The following ENPP1 variants were observed in gnomAD, a reference collection of about 807,000 sequenced individuals.
The protein encoded by ENPP1 is ectonucleotide pyrophosphatase/phosphodiesterase family member 1.
ENPP1 carries 73 observed loss-of-function variants against 122.8 expected under a neutral mutation model. That is an observed-to-expected ratio of 0.59 (90% CI 0.49 to 0.72). ENPP1 has a LOEUF of 0.72. Among genes scored for constraint, ENPP1 ranks in the 30% least tolerant of loss-of-function variants. The pLI is 0.00. For missense variants in ENPP1, 978 were observed against 1,128.1 expected (o/e 0.87, Z 1.91); for synonymous variants, 367 against 391.6 (o/e 0.94, Z 0.74).
intron 6 of ENPP1, 51 bp from the exon 7 acceptor site, chr6:131,858,617 A>G (rs1397611463): frequency 8.3e-7 from 1 of 1,203,584 alleles, no homozygotes; most frequent in South Asian, 1.3e-5. Flanking sequence ...AAATGAGGTA[A>G]GCCAATTGTC....
rs771405037 is a variant in ENPP1, at chr6:131,850,046, G to A, written c.370G>A (p.Ala124Thr). The A allele has an allele frequency of 2.0e-5, 32 of 1,614,072 alleles. No individual in the cohort carries two copies. Among genetic ancestry groups the A allele is most frequent in the Non-Finnish European group, 2.7e-5 (32 of 1,179,976 alleles). ...ERTFGNCRCD[A>T]ACVELGNCCL... is the part of the protein sequence containing the mutation. ...AACATTTGGGAACTGTCGCTGTGAT[G>A]CTGCCTGTGTTGAGCTTGGAAACTG... Residue 124 changes from alanine to threonine, a missense_variant, in exon 3 of 25, where the codon GCT (alanine) becomes ACT (threonine). By Grantham distance (58) the Ala-to-Thr change is moderately conservative (BLOSUM62 0). Coordinates refer to ENST00000647893, the MANE Select transcript of ENPP1 (RefSeq NM_006208.3).
At chr6:131,828,133 G>A (rs1781568249) in intron 1 of ENPP1, 3 of 581,244 alleles carry the variant, frequency 5.2e-6, no homozygotes, top group Non-Finnish European at 1.0e-5. Flanking sequence ...AGTGGAGGTC[G>A]TTCTGGATTC....
intron 1 of ENPP1, among the ~76,000 whole-genome samples, chr6:131,809,578 TA>T (rs1327949146): frequency 6.6e-6 from 1 of 152,236 alleles, no homozygotes; most frequent in Non-Finnish European, 1.5e-5. Context: ...AGTCACCTTT[TA>T]AAAATTTTGT....
At chr6:131,817,705 C>G (rs566070064) in intron 1 of ENPP1, among the ~76,000 whole-genome samples, 1 of 151,298 alleles carries the variant, frequency 6.6e-6, no homozygotes, top group South Asian at 2.1e-4. Flanking sequence ...ATGTCTATCT[C>G]TCTCTCTCTC....
chr6:131,867,731 A>G lies in ENPP1; in HGVS notation c.1165-287A>G, dbSNP rs75755833. On this transcript the variant is annotated intron_variant, in intron 11 of 24. Coordinates refer to ENST00000647893, the MANE Select transcript of ENPP1 (RefSeq NM_006208.3). ...TCTGACCTCAGGAATAGATCAGCTA[A>G]TCTCATTCCCAAAACTTAAAATTGA... Among the ~76,000 whole-genome samples the G allele has an allele frequency of 0.013, 2,029 of 152,236 alleles. 49 individuals carry two copies. The highest frequency in any genetic ancestry group is 0.043 in the African/African-American group (1,791 of 41,542).
rs794726927 is a variant in ENPP1 at position 131,808,062 on chromosome 6, C to A, written c.27C>A (p.Gly9=). Residue 9 remains glycine, a synonymous_variant, in exon 1 of 25, where the codon GGC becomes GGA. Coordinates refer to ENST00000647893, the MANE Select transcript of ENPP1 (RefSeq NM_006208.3). ...TGGAGCGCGACGGCTGCGCGGGGGG[C>A]GGGAGCCGCGGCGGCGAGGGCGGGC... The part of the protein sequence containing the change: MERDGCAG[G]GSRGGEGGRA... The A allele has an allele frequency of 1.5e-5, 9 of 596,474 alleles. No individual in the cohort carries two copies. The highest frequency in any genetic ancestry group is 4.7e-5 in the African/African-American group (1 of 21,450). The allele number at this position is 596,474 out of a possible 1,614,324, so 36.9% of individuals were successfully genotyped here. A position where few individuals can be genotyped will look rare whatever the true frequency, so the allele number is the denominator to read the frequency against.
chr6:131,817,973 T>C (rs1247310811), intron 1 of ENPP1, among the ~76,000 whole-genome samples: 2 of 148,326 alleles, frequency 1.3e-5, no homozygotes, highest in Admixed American at 1.3e-4. Flanking sequence ...CAGGTGTGAT[T>C]TGAGAGTCTT....
At chr6:131,826,241 G>A (rs555837117) in intron 1 of ENPP1, 97 of 973,416 alleles carry the variant, frequency 1.0e-4, no homozygotes, top group Middle Eastern at 2.1e-4. Context: ...AGCCCATCTG[G>A]TAGCATCTCA....
At chr6:131,839,745 T>C (rs189283475) in intron 1 of ENPP1, among the ~76,000 whole-genome samples, 159 of 152,334 alleles carry the variant, frequency 1.0e-3, no homozygotes, top group African/African-American at 3.8e-3. Context: ...CTGTTCTTTA[T>C]ACCCAATAAT....
At chr6:131,870,135 C>T (rs1392580966) in intron 13 of ENPP1, among the ~76,000 whole-genome samples, 1 of 151,970 alleles carries the variant, frequency 6.6e-6, no homozygotes, top group African/African-American at 2.4e-5. Flanking sequence ...AGAGAGAAAT[C>T]CAACTACATT....
chr6:131,854,815 G>T, intron 5 of ENPP1, 111 bp from the exon 6 acceptor site: 1 of 775,288 alleles, frequency 1.3e-6, no homozygotes, highest in South Asian at 1.4e-5. Flanking sequence ...AGATCACACA[G>T]ACCTTAGTGG....
At chr6:131,824,953 G>A (rs1308931649) in intron 1 of ENPP1, among the ~76,000 whole-genome samples, 1 of 151,978 alleles carries the variant, frequency 6.6e-6, no homozygotes, top group Non-Finnish European at 1.5e-5. Flanking sequence ...CCAGCTACTC[G>A]GGAGGCTGAG....
chr6:131,866,823 G>A (rs1028718352), intron 11 of ENPP1, among the ~76,000 whole-genome samples: 3 of 152,288 alleles, frequency 2.0e-5, no homozygotes, highest in Admixed American at 2.0e-4. Flanking sequence ...AAAGTTTCTT[G>A]TAGCTGTTGT....
chr6:131,874,387 T>C (rs993247360), intron 16 of ENPP1, 50 bp downstream of exon 16: 2 of 1,049,000 alleles, frequency 1.9e-6, no homozygotes, highest in Non-Finnish European at 3.0e-6. Flanking sequence ...GAAAAAATGA[T>C]ATGCAAAGTT....
intron 1 of ENPP1, among the ~76,000 whole-genome samples, chr6:131,845,451 G>GTTT (rs34638422): frequency 1.7e-4 from 22 of 133,068 alleles, no homozygotes; most frequent in African/African-American, 4.4e-4. Flanking sequence ...GTTTTGGCTT[G>GTTT]TTTTTTTTTT....
chr6:131,892,198 A>AT lies in ENPP1; in HGVS notation c.*1693dup, dbSNP rs915054431. The AT allele has an allele frequency of 2.0e-5, 3 of 152,008 alleles. No homozygotes were observed. Among genetic ancestry groups the AT allele is most frequent in the African/African-American group, 7.3e-5 (3 of 41,378 alleles). The allele number at this position is 152,008 out of a possible 1,614,324, so 9.4% of individuals were successfully genotyped here. ...TTCCTGTTTCTTGGTGTGTGGAATG[A>AT]TTTTTTATTGAAACCTGGATATTTT... On this transcript the variant is annotated 3_prime_UTR_variant, in exon 25 of 25. Coordinates refer to ENST00000647893, the MANE Select transcript of ENPP1 (RefSeq NM_006208.3).
intron 10 of ENPP1, 103 bp downstream of exon 10, chr6:131,864,674 T>G: frequency 1.1e-6 from 1 of 882,370 alleles, no homozygotes; most frequent in Admixed American, 2.1e-5. Context: ...CTATGATGTT[T>G]TATATCGAAA....
intron 2 of ENPP1, among the ~76,000 whole-genome samples, chr6:131,848,840 C>T (rs1348511744): frequency 6.6e-6 from 1 of 152,154 alleles, no homozygotes; most frequent in African/African-American, 2.4e-5. Context: ...ACCCCCACTC[C>T]AGGTCAGGAA....
chr6:131,821,313 C>T (rs180878739), intron 1 of ENPP1, among the ~76,000 whole-genome samples: 1 of 152,328 alleles, frequency 6.6e-6, no homozygotes, highest in Admixed American at 6.5e-5. Context: ...CTAATTAACC[C>T]TCGCTGTGCC....
Sources: allele counts gnomAD v4.1 joint callset (sites outside exome capture counted in the v4.1 genomes callset), GRCh38; gene constraint gnomAD v4.1.1; transcripts MANE v1.5; gene names NCBI Gene and HGNC (gene_info 2026-07-23, HGNC 2026-07-21).